The following NLK variants were observed in gnomAD, a reference collection of about 807,000 sequenced individuals.
NLK encodes the protein nemo like kinase.
Under a neutral mutation model 59.0 loss-of-function variants are expected in NLK, and 11 were observed. The observed-to-expected ratio is 0.19, with a 90% CI of 0.12 to 0.31. The LOEUF (loss-of-function observed/expected upper bound fraction) is 0.31, where lower values mean the gene tolerates loss of function less well. NLK is among the 10% of genes least tolerant of loss of function. The probability of loss-of-function intolerance (pLI) is 1.00; values close to 1 mark genes in which losing one functional copy is unlikely to be tolerated. For synonymous variants in NLK, 235 were observed against 235.9 expected, an observed-to-expected ratio of 1.00 and a Z score of 0.03; for missense variants, 410 against 661.1, an observed-to-expected ratio of 0.62 and a Z score of 4.16.
chr17:28,138,884 T>G (rs1906870209), intron 3 of NLK, among the ~76,000 whole-genome samples: 1 of 152,222 alleles, frequency 6.6e-6, no homozygotes, highest in Non-Finnish European at 1.5e-5. Flanking sequence ...ATAGATGATT[T>G]CTGGTCCAGG....
intron 7 of NLK, among the ~76,000 whole-genome samples, chr17:28,173,098 T>G (rs1026385493): frequency 6.6e-6 from 1 of 152,218 alleles, no homozygotes; most frequent in African/African-American, 2.4e-5. Flanking sequence ...ATTGCCAGAT[T>G]TGCACTCATC....
At chr17:28,064,984 A>G (rs1381416081) in intron 1 of NLK, among the ~76,000 whole-genome samples, 1 of 152,202 alleles carries the variant, frequency 6.6e-6, no homozygotes, top group African/African-American at 2.4e-5. Flanking sequence ...TGTTTTATGG[A>G]GAAAAACAGT....
rs1252603564 is a variant in NLK at position 28,155,538 on chromosome 17, C to T, written c.645-5622C>T. Among the ~76,000 whole-genome samples the T allele has an allele frequency of 2.0e-5, 3 of 152,152 alleles. 1 individual carries two copies. Among genetic ancestry groups the T allele is most frequent in the South Asian group, 2.1e-4 (1 of 4,828 alleles). The stretch of plus-strand genomic sequence containing the variant: ...AAAGACTTGGAACCAACCCAATGTC[C>T]ATCAGTGATAGACTGGATTAAGAAA... On this transcript the variant is annotated intron_variant, in intron 3 of 10. Transcript: ENST00000407008.
chr17:28,174,773 G>T (rs1157339149), intron 7 of NLK, among the ~76,000 whole-genome samples: 3 of 152,066 alleles, frequency 2.0e-5, no homozygotes, highest in Non-Finnish European at 4.4e-5. Context: ...ATGTCAACAG[G>T]TTCTTGAAGC....
At position 28,042,778 on chromosome 17, in the gene NLK, T is replaced by A; in HGVS notation, c.-96T>A. 1 of 1,117,242 alleles carries A rather than the reference T, an allele frequency of 9.0e-7. No homozygotes were observed. The highest frequency in any genetic ancestry group is 1.2e-6 in the Non-Finnish European group (1 of 805,088). The allele number at this position is 1,117,242 out of a possible 1,614,324, so 69.2% of individuals were successfully genotyped here. A position where few individuals can be genotyped will look rare whatever the true frequency, so the allele number is the denominator to read the frequency against. On this transcript the variant is annotated 5_prime_UTR_variant, in exon 1 of 11. Coordinates refer to ENST00000407008, the MANE Select transcript of NLK (RefSeq NM_016231.5). ...ACTGATGAAGACATAAAGCTCTATG[T>A]TTTTTGAGGTGGAGTGAGTGGTTTT... is the stretch of plus-strand genomic sequence containing the variant.
chr17:28,049,622 AG>A (rs1909178257), intron 1 of NLK, among the ~76,000 whole-genome samples: 1 of 152,218 alleles, frequency 6.6e-6, no homozygotes, highest in Admixed American at 6.5e-5. Context: ...GCCTACTCTC[AG>A]GGTGTCCTCA....
chr17:28,067,783 C>T (rs1165610752), intron 1 of NLK, among the ~76,000 whole-genome samples: 2 of 151,028 alleles, frequency 1.3e-5, no homozygotes, highest in African/African-American at 2.4e-5. Flanking sequence ...AGGATTATGG[C>T]GTTCAAAATT....
In NLK at chr17:28,172,629, G is replaced by C. The variant is rs1446106815; in HGVS notation, c.1149+11G>C. On this transcript the variant is annotated intron_variant, in intron 7 of 10. Transcript: ENST00000407008. Reference sequence around the variant, plus strand: ...GGTCCTCATAAACAGGTGAGAGGAGGGGGGAATCTTTTTCTGGTAACCATC... The same window carrying C: ...GGTCCTCATAAACAGGTGAGAGGAGCGGGGAATCTTTTTCTGGTAACCATC... 2.0e-6 allele frequency: 3 copies of C among 1,463,534 alleles called. No individual in the cohort carries two copies. Among genetic ancestry groups the C allele is most frequent in the Non-Finnish European group, 2.8e-6 (3 of 1,088,144 alleles). The allele number at this position is 1,463,534 out of a possible 1,614,324, so 90.7% of individuals were successfully genotyped here.
At chr17:28,134,688 T>C (rs2142023694) in intron 3 of NLK, among the ~76,000 whole-genome samples, 1 of 152,340 alleles carries the variant, frequency 6.6e-6, no homozygotes, top group Non-Finnish European at 1.5e-5. Context: ...AATCCTTTTG[T>C]GCAGTGAAGG....
chr17:28,046,862 T>A (rs1453451875), intron 1 of NLK, among the ~76,000 whole-genome samples: 3 of 152,178 alleles, frequency 2.0e-5, no homozygotes, highest in Non-Finnish European at 2.9e-5. Context: ...TTTTATAAAA[T>A]TAGCATTTTG....
intron 1 of NLK, among the ~76,000 whole-genome samples, chr17:28,108,845 C>G (rs749672337): frequency 4.6e-5 from 7 of 152,138 alleles, no homozygotes; most frequent in African/African-American, 9.7e-5. Flanking sequence ...TCTCTATTCC[C>G]CATCCCAGAC....
chr17:28,049,798 T>G (rs1409688011), intron 1 of NLK, among the ~76,000 whole-genome samples: 1 of 152,136 alleles, frequency 6.6e-6, no homozygotes, highest in African/African-American at 2.4e-5. Context: ...CTGACCAACA[T>G]GGTGAAATCC....
intron 1 of NLK, among the ~76,000 whole-genome samples, chr17:28,072,855 A>G (rs1910050765): frequency 6.6e-6 from 1 of 152,074 alleles, no homozygotes; most frequent in Admixed American, 6.6e-5. Flanking sequence ...CAAATACATT[A>G]AAAATATTTT....
rs941476430 is a variant in NLK, at chr17:28,096,261, C to G, written c.459-26342C>G. On this transcript the variant is annotated intron_variant, in intron 1 of 10. Coordinates refer to ENST00000407008, the MANE Select transcript of NLK (RefSeq NM_016231.5). ...GATTTTTGAAGAGGATGACAAAATT[C>G]ATAAGTCCTTGATTCTACTATGTAA... Among the ~76,000 whole-genome samples, 7 of 152,088 alleles carry G rather than the reference C, an allele frequency of 4.6e-5. No individual in the cohort carries two copies. The East Asian group carries it at 1.3e-3, about 29-fold the overall frequency.
chr17:28,193,156 G>T (rs1293251193), intron 10 of NLK, among the ~76,000 whole-genome samples: 1 of 152,232 alleles, frequency 6.6e-6, no homozygotes, highest in Non-Finnish European at 1.5e-5. Context: ...ATGATCAACT[G>T]CTAAAAGGCA....
intron 7 of NLK, among the ~76,000 whole-genome samples, chr17:28,176,357 AT>A (rs1283842547): frequency 6.6e-6 from 1 of 152,232 alleles, no homozygotes; most frequent in African/African-American, 2.4e-5. Flanking sequence ...AGTAGTTTTC[AT>A]TTAAGTAATT....
chr17:28,138,494 C>T (rs542663718), intron 3 of NLK, among the ~76,000 whole-genome samples: 2 of 152,300 alleles, frequency 1.3e-5, no homozygotes, highest in South Asian at 2.1e-4. Flanking sequence ...ATAGGAATCT[C>T]TTGTCATAAA....
chr17:28,050,826 C>T (rs1374940362), intron 1 of NLK, among the ~76,000 whole-genome samples: 1 of 151,890 alleles, frequency 6.6e-6, no homozygotes, highest in African/African-American at 2.4e-5. Flanking sequence ...CAAAGAAGGC[C>T]GGCCATGGTG....
intron 10 of NLK, among the ~76,000 whole-genome samples, chr17:28,194,070 T>C (rs1909402923): frequency 6.6e-6 from 1 of 152,248 alleles, no homozygotes; most frequent in African/African-American, 2.4e-5. Flanking sequence ...TAATACTTGA[T>C]AAAAGAATGC....
Sources: gnomAD v4.1 joint callset for allele counts (sites outside exome capture counted in the v4.1 genomes callset) on GRCh38, gnomAD v4.1.1 for gene constraint, MANE v1.5 for transcripts, NCBI Gene and HGNC (gene_info 2026-07-23, HGNC 2026-07-21) for gene names.